Variants in ZC3H13 observed in about 807,000 individuals in gnomAD.
The protein encoded by ZC3H13 is zinc finger CCCH domain-containing protein 13.
In ZC3H13, 64 loss-of-function variants were observed where a neutral mutation model predicts 204.1. That is an observed-to-expected ratio of 0.31 (90% CI 0.26 to 0.39). ZC3H13 has a LOEUF of 0.39. Ranked by LOEUF, ZC3H13 falls within the 10% of genes least tolerant of loss-of-function variation. The pLI, the probability that ZC3H13 is intolerant of heterozygous loss-of-function variation, is 1.00. For missense variants in ZC3H13, 1,833 were observed against 2,082.7 expected, an observed-to-expected ratio of 0.88 and a Z score of 2.33; for synonymous variants, 667 against 693.7, an observed-to-expected ratio of 0.96 and a Z score of 0.60.
At chr13:45,981,252 CA>C (rs1404345171) in intron 10 of ZC3H13, among the ~76,000 whole-genome samples, 1 of 152,112 alleles carries the variant, frequency 6.6e-6, no homozygotes, top group Non-Finnish European at 1.5e-5. Flanking sequence ...GAGTTCACTC[CA>C]AACTTAAAAG....
chr13:45,970,414 G>C lies in ZC3H13; in HGVS notation c.2520C>G (p.Arg840=), dbSNP rs146658199. ...CACTGTCCGGAGAATGTTCACGCCG[G>C]CGCTTCGGGGACTGTCTAGGGCTGG... ...GSPSPRQSPK[R]RREHSPDSDA... Residue 840 remains arginine (R), a synonymous_variant, in exon 13 of 19, where the codon CGC becomes CGG. Transcript: ENST00000679008. The C allele has an allele frequency of 5.6e-6, 9 of 1,613,818 alleles. No individual in the cohort carries two copies. In the African/African-American group the frequency reaches 6.7e-5, roughly 12 times the overall value.
In ZC3H13 at chr13:45,988,989, T is replaced by G. The variant is rs2039770429; in HGVS notation, c.1053A>C (p.Arg351=). 1.2e-6 allele frequency: 2 copies of G among 1,614,088 alleles called. No individual in the cohort carries two copies. The highest frequency in any genetic ancestry group is 1.7e-6 in the Non-Finnish European group (2 of 1,180,002). Reference sequence around the variant, plus strand: ...GATAAGATGGTGAAGGAGTTCTTTTTCGACGAGGAGAAGGAGAATGTCTTT... The same window carrying G: ...GATAAGATGGTGAAGGAGTTCTTTTGCGACGAGGAGAAGGAGAATGTCTTT... ...SIQRHSPSPR[R]KRTPSPSYQR... is the part of the protein sequence containing the mutation. The change falls in exon 9 of 19, where the codon CGA becomes CGC. Residue 351 remains arginine, a synonymous_variant. Coordinates refer to ENST00000679008, the MANE Select transcript of ZC3H13 (RefSeq NM_001330564.2).
intron 4 of ZC3H13, among the ~76,000 whole-genome samples, chr13:46,039,263 A>G (rs1040911067): frequency 2.3e-4 from 35 of 152,214 alleles, no homozygotes; most frequent in Non-Finnish European, 4.0e-4. Flanking sequence ...TGATGAACAT[A>G]AAAACCCTTA....
intron 1 of ZC3H13, among the ~76,000 whole-genome samples, chr13:46,048,520 G>A (rs2044155207): frequency 7.3e-6 from 1 of 137,198 alleles, no homozygotes. Flanking sequence ...GGCGGAGCTT[G>A]CAGTGAGCCG....
chr13:46,001,950 GAA>G (rs1362129152), intron 8 of ZC3H13, among the ~76,000 whole-genome samples: 1 of 130,320 alleles, frequency 7.7e-6, no homozygotes. Flanking sequence ...TTAACAGAGT[GAA>G]AAAAAAAAAA....
chr13:45,990,251 T>C (rs138154720), intron 8 of ZC3H13, among the ~76,000 whole-genome samples: 265 of 152,244 alleles, frequency 1.7e-3, no homozygotes, highest in African/African-American at 5.9e-3. Context: ...ACTCCAGACA[T>C]TGCCAAATGT....
chr13:46,043,326 T>C (rs911923684), intron 3 of ZC3H13, among the ~76,000 whole-genome samples: 1 of 152,012 alleles, frequency 6.6e-6, no homozygotes. Context: ...ATCTCATTAA[T>C]GTTTACATGC....
chr13:46,027,437 A>ACT (rs1165216623), intron 4 of ZC3H13, among the ~76,000 whole-genome samples: 2 of 152,166 alleles, frequency 1.3e-5, no homozygotes, highest in Non-Finnish European at 2.9e-5. Flanking sequence ...TCTTTACATA[A>ACT]CTCTATGCAA....
At chr13:45,988,451 G>C (rs1424680373) in intron 9 of ZC3H13, among the ~76,000 whole-genome samples, 1 of 152,034 alleles carries the variant, frequency 6.6e-6, no homozygotes, top group Admixed American at 6.5e-5. Flanking sequence ...TAGAGACGGG[G>C]TCTCACCATA....
chr13:45,999,874 G>T (rs1401345992), intron 8 of ZC3H13, among the ~76,000 whole-genome samples: 1 of 152,160 alleles, frequency 6.6e-6, no homozygotes, highest in Non-Finnish European at 1.5e-5. Context: ...GGGCTGTAGG[G>T]TGCCTTTTGT....
chr13:46,011,631 T>A, intron 5 of ZC3H13, 77 bp from the exon 6 acceptor site: 3 of 1,195,264 alleles, frequency 2.5e-6, no homozygotes, highest in Non-Finnish European at 3.4e-6. Flanking sequence ...TTTTTTCAAC[T>A]AATTTCTTAC....
Position 46,010,405 on chromosome 13 carries a change from G to C in ZC3H13, c.689C>G (p.Ala230Gly). The C allele has an allele frequency of 6.2e-7, 1 of 1,613,830 alleles. No individual in the cohort carries two copies. Among genetic ancestry groups the C allele is most frequent in the Non-Finnish European group, 8.5e-7 (1 of 1,179,790 alleles). The change falls in exon 7 of 19, where the codon GCT becomes GGT. Residue 230 changes from alanine (A) to glycine (G), a missense_variant. Ala to Gly is a moderately conservative substitution (Grantham distance 60). Around this residue, in one of 5 missense-constraint regions of ZC3H13, gnomAD observed 1,574 missense variants for 1,757.2 expected, o/e 0.90. Coordinates refer to ENST00000679008, the MANE Select transcript of ZC3H13 (RefSeq NM_001330564.2). ...KRKSSPKSSSASKKDRKTSAV... is the reference protein window; with the variant it reads ...KRKSSPKSSSGSKKDRKTSAV... ...AGATGTCTTCCTATCTTTCTTGCTAGCTGAAGACGACTTCGGGCTTGATTT... is the reference window on the plus strand; with the variant it reads ...AGATGTCTTCCTATCTTTCTTGCTACCTGAAGACGACTTCGGGCTTGATTT...
In ZC3H13 at chr13:45,965,282, G is replaced by T. The variant is rs551136114; in HGVS notation, c.4472C>A (p.Pro1491Gln). ...REDQQDEEKMPDPLDVIDVDW... is the reference protein window; with the variant it reads ...REDQQDEEKMQDPLDVIDVDW... ...TAACCACCTCTGCAAATAGTTACCTGGCATCTTCTCCTCATCCTGTTGGTC... is the reference window on the plus strand; with the variant it reads ...TAACCACCTCTGCAAATAGTTACCTTGCATCTTCTCCTCATCCTGTTGGTC... The change falls in exon 16 of 19, where the codon CCA becomes CAA. Residue 1491 changes from proline (P) to glutamine (Q), a missense_variant and splice_region_variant. Pro to Gln is a moderately conservative substitution (Grantham distance 76). Transcript: ENST00000679008. 6.2e-7 allele frequency: 1 copy of T among 1,612,564 alleles called. No individual in the cohort carries two copies. Among genetic ancestry groups the T allele is most frequent in the East Asian group, 2.2e-5 (1 of 44,772 alleles).
chr13:46,050,076 G>C (rs1473613917), intron 1 of ZC3H13, among the ~76,000 whole-genome samples: 2 of 151,904 alleles, frequency 1.3e-5, no homozygotes, highest in African/African-American at 4.8e-5. Context: ...TCCATTTGCA[G>C]AGCAAATGAA....
At chr13:46,023,006 C>G (rs1212945245) in intron 4 of ZC3H13, among the ~76,000 whole-genome samples, 1 of 152,058 alleles carries the variant, frequency 6.6e-6, no homozygotes, top group Non-Finnish European at 1.5e-5. Context: ...ACATTTATTT[C>G]TTGAACATTA....
chr13:45,973,933 GA>G (rs1342355935), intron 12 of ZC3H13, among the ~76,000 whole-genome samples: 2 of 152,122 alleles, frequency 1.3e-5, no homozygotes. Flanking sequence ...GTAGATTAAA[GA>G]ACAGCCAAGA....
At chr13:46,012,970 G>A (rs765258064) in intron 5 of ZC3H13, among the ~76,000 whole-genome samples, 23 of 152,130 alleles carry the variant, frequency 1.5e-4, no homozygotes, top group Non-Finnish European at 8.8e-5. Flanking sequence ...TGTTTCTGAC[G>A]GTACTGTATT....
intron 12 of ZC3H13, among the ~76,000 whole-genome samples, chr13:45,974,445 C>T (rs923536518): frequency 3.9e-5 from 6 of 152,182 alleles, no homozygotes; most frequent in Non-Finnish European, 8.8e-5. Flanking sequence ...GATATAGCCA[C>T]ATCAGAACAA....
Position 45,969,703 on chromosome 13 carries a change from C to T in ZC3H13, c.2841G>A (p.Glu947=). The T allele has an allele frequency of 6.2e-7, 1 of 1,613,676 alleles. No homozygotes were observed. The change falls in exon 14 of 19, where the codon GAG becomes GAA. Residue 947 remains glutamate, a synonymous_variant. Transcript: ENST00000679008. Reference sequence around the variant, plus strand: ...TTTCATCATGAGCTCGATCAGATGTCTCTCGATCTTCAGACTGGTGGTGTC... The same window carrying T: ...TTTCATCATGAGCTCGATCAGATGTTTCTCGATCTTCAGACTGGTGGTGTC... ...IIGHHQSEDR[E]TSDRAHDENK... is the part of the protein sequence containing the mutation.
Sources: gnomAD v4.1 joint callset for allele counts (sites outside exome capture counted in the v4.1 genomes callset) on GRCh38, gnomAD v4.1.1 for gene constraint, gnomAD v4.1.1 regional missense constraint, MANE v1.5 for transcripts, NCBI Gene and HGNC (gene_info 2026-07-23, HGNC 2026-07-21) for gene names.